Variants in LHPP observed in about 807,000 individuals in gnomAD.
LHPP encodes phospholysine phosphohistidine inorganic pyrophosphate phosphatase, also known as hLHPP.
Under a neutral mutation model 30.3 loss-of-function variants are expected in LHPP, and 24 were observed. The ratio of observed to expected loss-of-function variants is 0.79; its 90% CI spans 0.57 to 1.11. The LOEUF (loss-of-function observed/expected upper bound fraction) is 1.11, where lower values mean the gene tolerates loss of function less well. LHPP is among the 50% of genes most tolerant of loss of function. LHPP has a pLI of 0.00. For missense variants in LHPP, 356 were observed against 367.2 expected, an observed-to-expected ratio of 0.97 and a Z score of 0.25; for synonymous variants, 150 against 157.1, an observed-to-expected ratio of 0.95 and a Z score of 0.34.
At chr10:124,573,231 G>A (rs4962652) in intron 6 of LHPP, among the ~76,000 whole-genome samples, 124,587 of 152,302 alleles carry the variant, frequency 0.82, 51,035 homozygotes, top group Admixed American at 0.86. Context: ...AGTTTCCTCT[G>A]TGAACACCTC....
chr10:124,548,992 A>G (rs1955417203), intron 6 of LHPP, among the ~76,000 whole-genome samples: 1 of 152,238 alleles, frequency 6.6e-6, no homozygotes, highest in African/African-American at 2.4e-5. Flanking sequence ...AAATACATGC[A>G]TGGCAAAACA....
At chr10:124,525,264 C>G (rs956503003) in intron 6 of LHPP, among the ~76,000 whole-genome samples, 1 of 152,344 alleles carries the variant, frequency 6.6e-6, no homozygotes, top group South Asian at 2.1e-4. Flanking sequence ...CAGTTTGGCC[C>G]TTCTGCACTG....
intron 6 of LHPP, among the ~76,000 whole-genome samples, chr10:124,577,041 G>A (rs1226431841): frequency 6.6e-6 from 1 of 152,240 alleles, no homozygotes; most frequent in African/African-American, 2.4e-5. Context: ...AGTCTACTGA[G>A]CGCATACTCA....
At chr10:124,606,059 G>A (rs1949088289) in intron 6 of LHPP, among the ~76,000 whole-genome samples, 1 of 152,172 alleles carries the variant, frequency 6.6e-6, no homozygotes. Context: ...GTACCTGGAG[G>A]GCCCACCCCA....
At chr10:124,529,793 A>G (rs1029331170) in intron 6 of LHPP, among the ~76,000 whole-genome samples, 4 of 68,274 alleles carry the variant, frequency 5.9e-5, no homozygotes, top group Non-Finnish European at 8.0e-5. Context: ...CAGCTCATGC[A>G]CATACACACA....
chr10:124,605,517 T>C (rs1949080053), intron 6 of LHPP: 1 of 152,144 alleles, frequency 6.6e-6, no homozygotes, highest in Non-Finnish European at 1.5e-5. Context: ...TGGGGACAGG[T>C]GAGTGGGGTC....
Position 124,517,137 on chromosome 10 carries a change from C to T in LHPP, c.625-43C>T. On this transcript the variant is annotated intron_variant, in intron 5 of 6. Coordinates refer to ENST00000368842, the MANE Select transcript of LHPP (RefSeq NM_022126.4). The surrounding 1 kb of genome is among the most constrained non-coding windows in gnomAD (Gnocchi z 4.1). Reference sequence around the variant, plus strand: ...AAGATGAAGGAGCCCGGGAATAAAACTCTCCTGACATCACTTCTGAGCGTA... The same window carrying T: ...AAGATGAAGGAGCCCGGGAATAAAATTCTCCTGACATCACTTCTGAGCGTA... 1 of 1,384,132 alleles carries T rather than the reference C, an allele frequency of 7.2e-7. No homozygotes were observed. The highest frequency in any genetic ancestry group is 9.8e-7 in the Non-Finnish European group (1 of 1,015,856). The allele number at this position is 1,384,132 out of a possible 1,614,324, so 85.7% of individuals were successfully genotyped here.
intron 6 of LHPP, among the ~76,000 whole-genome samples, chr10:124,603,825 C>T (rs1264427057): frequency 6.6e-6 from 1 of 152,198 alleles, no homozygotes; most frequent in African/African-American, 2.4e-5. Context: ...CAGCAGTCCC[C>T]AGGCCTGTGG....
intron 6 of LHPP, among the ~76,000 whole-genome samples, chr10:124,600,388 C>T (rs752116): frequency 0.42 from 64,610 of 152,208 alleles, 13,994 homozygotes; most frequent in South Asian, 0.47. Context: ...GTGGGGGGCT[C>T]GCCTCTTAGG....
At chr10:124,499,388 A>C (rs61861948) in intron 5 of LHPP, among the ~76,000 whole-genome samples, 33,044 of 151,718 alleles carry the variant, frequency 0.22, 3,880 homozygotes, top group Middle Eastern at 0.37. Flanking sequence ...TGACGCCTGT[A>C]GTCCCAACAC....
chr10:124,589,824 G>T (rs1454895743), intron 6 of LHPP, among the ~76,000 whole-genome samples: 1 of 152,182 alleles, frequency 6.6e-6, no homozygotes, highest in South Asian at 2.1e-4. Flanking sequence ...TGGTTGGAAG[G>T]CCCCCTGCGT....
chr10:124,494,055 T>C (rs1397574349), intron 3 of LHPP, among the ~76,000 whole-genome samples: 1 of 152,246 alleles, frequency 6.6e-6, no homozygotes, highest in Non-Finnish European at 1.5e-5. Context: ...GAAGTTCGTG[T>C]TCTCCTTGGA....
chr10:124,538,027 C>A (rs1037067303), intron 6 of LHPP, among the ~76,000 whole-genome samples: 16 of 152,238 alleles, frequency 1.1e-4, no homozygotes, highest in African/African-American at 3.9e-4. Context: ...TCCAGGCCCC[C>A]TTCCCTGAGC....
chr10:124,470,385 C>CCGAT (rs1400718471), intron 1 of LHPP, among the ~76,000 whole-genome samples: 2 of 152,070 alleles, frequency 1.3e-5, no homozygotes, highest in African/African-American at 4.8e-5. Context: ...CAGGACCGCC[C>CCGAT]CGATCGATCG....
intron 6 of LHPP, among the ~76,000 whole-genome samples, chr10:124,550,254 C>T (rs985203360): frequency 6.6e-6 from 1 of 152,264 alleles, no homozygotes; most frequent in Non-Finnish European, 1.5e-5. Flanking sequence ...CTTATGGCCT[C>T]TGCCCCCAGG....
chr10:124,497,780 T>G (rs1953770224), intron 4 of LHPP, among the ~76,000 whole-genome samples: 1 of 152,206 alleles, frequency 6.6e-6, no homozygotes, highest in South Asian at 2.1e-4. Flanking sequence ...TTTTGCCAGC[T>G]CTTGGATGCC....
At chr10:124,506,215 C>T (rs949423982) in intron 5 of LHPP, among the ~76,000 whole-genome samples, 1 of 151,596 alleles carries the variant, frequency 6.6e-6, no homozygotes, top group Non-Finnish European at 1.5e-5. Flanking sequence ...TACCACTGTA[C>T]TCTAGGCTGG....
intron 5 of LHPP, among the ~76,000 whole-genome samples, chr10:124,513,458 A>G (rs77749830): frequency 2.3e-5 from 2 of 88,666 alleles, no homozygotes; most frequent in Admixed American, 1.4e-4. Context: ...TAAAATTATT[A>G]TTACTTTTTT....
intron 2 of LHPP, among the ~76,000 whole-genome samples, chr10:124,485,691 C>G (rs1213969185): frequency 6.6e-6 from 1 of 151,814 alleles, no homozygotes; most frequent in Non-Finnish European, 1.5e-5. Context: ...ACTTCCGCTT[C>G]CCTGGTTCAA....
Sources: allele counts gnomAD v4.1 joint callset (sites outside exome capture counted in the v4.1 genomes callset), GRCh38; gene constraint gnomAD v4.1.1; non-coding constraint Gnocchi (gnomAD v3.1); transcripts MANE v1.5; gene names NCBI Gene and HGNC (gene_info 2026-07-23, HGNC 2026-07-21).